SPAG16: variants seen among roughly 807,000 people sequenced by gnomAD.
SPAG16 encodes sperm associated antigen 16.
A neutral mutation model predicts 80.4 loss-of-function variants in SPAG16; 86 were observed. That is an observed-to-expected ratio of 1.07 (90% confidence interval 0.90 to 1.28). SPAG16 has a LOEUF of 1.28. SPAG16 is among the 50% of genes most tolerant of loss of function. The pLI, the probability that SPAG16 is intolerant of heterozygous loss-of-function variation, is 0.00. For synonymous variants in SPAG16, 294 were observed against 265.9 expected, an observed-to-expected ratio of 1.11 and a Z score of -1.03; for missense variants, 870 against 765.3, an observed-to-expected ratio of 1.14 and a Z score of -1.61.
At chr2:214,203,467 C>T (rs1452589432) in intron 15 of SPAG16, among the ~76,000 whole-genome samples, 1 of 152,090 alleles carries the variant, frequency 6.6e-6, no homozygotes, top group Admixed American at 6.5e-5. Flanking sequence ...CTGCTGCAGG[C>T]CCTGGGAGAC....
chr2:213,413,655 T>G (rs17694263), intron 9 of SPAG16, among the ~76,000 whole-genome samples: 2,162 of 152,280 alleles, frequency 0.014, 24 homozygotes, highest in South Asian at 0.037. Context: ...TAATTAAGGT[T>G]TCTGATAGAT....
chr2:214,218,695 C>A (rs1458774660), intron 15 of SPAG16, among the ~76,000 whole-genome samples: 3 of 152,156 alleles, frequency 2.0e-5, no homozygotes, highest in Admixed American at 6.6e-5. Context: ...TTGAAATATA[C>A]AGATATGACA....
At chr2:213,787,262 C>G (rs1425277690) in intron 10 of SPAG16, among the ~76,000 whole-genome samples, 2 of 152,026 alleles carry the variant, frequency 1.3e-5, no homozygotes, top group African/African-American at 4.8e-5. Context: ...AGACTTCATA[C>G]TTTTCTGAGG....
chr2:214,141,623 A>C (rs1295028605), intron 14 of SPAG16, among the ~76,000 whole-genome samples: 1 of 152,220 alleles, frequency 6.6e-6, no homozygotes, highest in Non-Finnish European at 1.5e-5. Flanking sequence ...TGTATTCATT[A>C]AATGAAAATG....
chr2:213,778,745 G>T (rs993534384), intron 10 of SPAG16, among the ~76,000 whole-genome samples: 7 of 151,958 alleles, frequency 4.6e-5, no homozygotes, highest in Admixed American at 3.9e-4. Context: ...CTAGTTCTTT[G>T]GCCCCACTGA....
At chr2:213,369,806 C>G (rs751436148) in intron 8 of SPAG16, among the ~76,000 whole-genome samples, 1 of 151,968 alleles carries the variant, frequency 6.6e-6, no homozygotes, top group Admixed American at 6.6e-5. Flanking sequence ...CCTGCCCCCA[C>G]CCATATACCA....
chr2:214,142,552 A>T (rs1379620013), intron 14 of SPAG16, among the ~76,000 whole-genome samples: 1 of 152,180 alleles, frequency 6.6e-6, no homozygotes, highest in South Asian at 2.1e-4. Flanking sequence ...TCAGTATTGT[A>T]ACTATCTCCT....
chr2:214,334,117 A>C (rs6739649), intron 15 of SPAG16, among the ~76,000 whole-genome samples: 48,759 of 152,030 alleles, frequency 0.32, 12,297 homozygotes, highest in African/African-American at 0.7. Flanking sequence ...TGTAGGGCTG[A>C]GGGATACATG....
intron 12 of SPAG16, among the ~76,000 whole-genome samples, chr2:213,998,212 A>G (rs935457472): frequency 1.3e-5 from 2 of 152,162 alleles, no homozygotes; most frequent in African/African-American, 4.8e-5. Context: ...AGGGTTAAAT[A>G]CTGGGAAGTG....
At chr2:214,248,297 T>G (rs1158803052) in intron 15 of SPAG16, among the ~76,000 whole-genome samples, 3 of 75,536 alleles carry the variant, frequency 4.0e-5, no homozygotes, top group Non-Finnish European at 8.1e-5. Context: ...ATATTATTAT[T>G]ATTATTATTA....
chr2:214,169,603 G>A (rs532938608), intron 15 of SPAG16, among the ~76,000 whole-genome samples: 3 of 152,104 alleles, frequency 2.0e-5, no homozygotes, highest in South Asian at 4.1e-4. Context: ...ACGAACGGCT[G>A]TTGAATAGAA....
intron 15 of SPAG16, among the ~76,000 whole-genome samples, chr2:214,177,900 C>CATATATATATATACATATATATATATAT (rs1553519901): frequency 7.8e-5 from 5 of 64,000 alleles, no homozygotes; most frequent in Non-Finnish European, 1.4e-4. Flanking sequence ...TATATATATA[C>CATATATATATATACATATATATATATAT]ATATATATAT....
At chr2:213,802,900 C>T (rs768164157) in intron 10 of SPAG16, among the ~76,000 whole-genome samples, 17 of 151,748 alleles carry the variant, frequency 1.1e-4, no homozygotes, top group Non-Finnish European at 8.8e-5. Context: ...TAGAAATTAT[C>T]AGGGGCTGAA....
At chr2:214,177,914 TAC>T (rs1249637165) in intron 15 of SPAG16, among the ~76,000 whole-genome samples, 6 of 86,460 alleles carry the variant, frequency 6.9e-5, no homozygotes, top group African/African-American at 4.1e-4. Context: ...TATATATATA[TAC>T]ATATATATAT....
chr2:213,465,311 T>G (rs1368380556), intron 9 of SPAG16, among the ~76,000 whole-genome samples: 1 of 152,192 alleles, frequency 6.6e-6, no homozygotes, highest in Non-Finnish European at 1.5e-5. Flanking sequence ...AGTTGAGCAC[T>G]TGCACCCGAG....
At chr2:214,210,414 G>A (rs747445390) in intron 15 of SPAG16, among the ~76,000 whole-genome samples, 10 of 152,108 alleles carry the variant, frequency 6.6e-5, no homozygotes, top group Non-Finnish European at 1.3e-4. Context: ...AGTATAAAAT[G>A]TATTTAGATA....
chr2:213,330,509 G>A (rs372417051), intron 5 of SPAG16, among the ~76,000 whole-genome samples: 5 of 152,168 alleles, frequency 3.3e-5, no homozygotes, highest in African/African-American at 1.2e-4. Context: ...TCTCCCATTT[G>A]GAATGGCTGT....
intron 6 of SPAG16, among the ~76,000 whole-genome samples, chr2:213,347,300 T>G (rs1171738159): frequency 6.6e-6 from 1 of 152,090 alleles, no homozygotes; most frequent in South Asian, 2.1e-4. Flanking sequence ...GTCTTGCTAG[T>G]GGTCTCTCAA....
chr2:213,753,138 G>C (rs1474209685), intron 10 of SPAG16, among the ~76,000 whole-genome samples: 1 of 151,978 alleles, frequency 6.6e-6, no homozygotes, highest in South Asian at 2.1e-4. Flanking sequence ...TCAGCCTCCC[G>C]AGTAGCTGGG....
Sources: gnomAD v4.1 joint callset for allele counts (sites outside exome capture counted in the v4.1 genomes callset) on GRCh38, gnomAD v4.1.1 for gene constraint, MANE v1.5 for transcripts, NCBI Gene and HGNC (gene_info 2026-07-23, HGNC 2026-07-21) for gene names.